EXT2: variants seen among roughly 807,000 people sequenced by gnomAD.
EXT2 encodes exostosin-2.
Under a neutral mutation model 81.6 loss-of-function variants are expected in EXT2, and 53 were observed. That is an observed-to-expected ratio of 0.65 (90% CI 0.52 to 0.82). EXT2 has a LOEUF of 0.82. Among genes scored for constraint, EXT2 ranks in the 40% least tolerant of loss-of-function variants. The pLI is 0.00. For synonymous variants in EXT2, 320 were observed against 340.0 expected (o/e 0.94, Z 0.65); for missense variants, 774 against 910.2 (o/e 0.85, Z 1.93).
intron 10 of EXT2, among the ~76,000 whole-genome samples, chr11:44,227,989 T>A (rs991568617): frequency 1.3e-5 from 2 of 152,196 alleles, no homozygotes; most frequent in African/African-American, 4.8e-5. Context: ...ATGATGTAAA[T>A]ATAAAAATTA....
intron 10 of EXT2, among the ~76,000 whole-genome samples, chr11:44,209,641 G>A (rs1955624453): frequency 1.3e-5 from 2 of 152,112 alleles, no homozygotes; most frequent in African/African-American, 2.4e-5. Context: ...GAGTTATATT[G>A]GATCCCAGAA....
chr11:44,128,286 C>G (rs1425305265), intron 6 of EXT2, among the ~76,000 whole-genome samples: 1 of 152,144 alleles, frequency 6.6e-6, no homozygotes, highest in African/African-American at 2.4e-5. Flanking sequence ...CAGCTGTATG[C>G]ACAGGGGACC....
At chr11:44,224,329 A>G (rs978463604) in intron 10 of EXT2, among the ~76,000 whole-genome samples, 59 of 152,178 alleles carry the variant, frequency 3.9e-4, no homozygotes, top group African/African-American at 1.3e-3. Context: ...AACTAGATGG[A>G]GTATATCTGG....
At chr11:44,175,162 G>A (rs1955140979) in intron 8 of EXT2, among the ~76,000 whole-genome samples, 1 of 152,184 alleles carries the variant, frequency 6.6e-6, no homozygotes. Context: ...GAGAAATGCA[G>A]ATGAAAATTA....
chr11:44,101,462 C>CA (rs1041133736), intron 1 of EXT2, among the ~76,000 whole-genome samples: 21 of 152,124 alleles, frequency 1.4e-4, no homozygotes, highest in African/African-American at 2.4e-5. Context: ...TAGCTCCCCA[C>CA]AAAAAAGAGT....
intron 8 of EXT2, among the ~76,000 whole-genome samples, chr11:44,175,878 A>G (rs758143683): frequency 1.1e-4 from 17 of 152,168 alleles, no homozygotes; most frequent in African/African-American, 1.9e-4. Context: ...AAAGGTAGGG[A>G]AAGTGGTAGA....
At chr11:44,236,469 C>A in intron 13 of EXT2, 94 bp downstream of exon 13, 1 of 1,170,642 alleles carries the variant, frequency 8.5e-7, no homozygotes, top group Non-Finnish European at 1.2e-6. Context: ...GATATAAGGA[C>A]AGCAGCTGGT....
At chr11:44,161,992 G>A (rs1474169500) in intron 7 of EXT2, among the ~76,000 whole-genome samples, 1 of 152,236 alleles carries the variant, frequency 6.6e-6, no homozygotes, top group Non-Finnish European at 1.5e-5. Flanking sequence ...GATTAGAGGA[G>A]ACTGAGCTGA....
At chr11:44,201,723 A>G (rs547255925) in intron 9 of EXT2, among the ~76,000 whole-genome samples, 1 of 152,342 alleles carries the variant, frequency 6.6e-6, no homozygotes, top group South Asian at 2.1e-4. Context: ...CTAATGGGAA[A>G]GAAAAATCCT....
chr11:44,120,878 G>T (rs986521306), intron 4 of EXT2, among the ~76,000 whole-genome samples: 1 of 152,200 alleles, frequency 6.6e-6, no homozygotes, highest in Non-Finnish European at 1.5e-5. Context: ...CAAGTTCTCA[G>T]CATGGTTTTG....
chr11:44,209,631 G>A (rs1955624257), intron 10 of EXT2, among the ~76,000 whole-genome samples: 1 of 152,126 alleles, frequency 6.6e-6, no homozygotes, highest in Non-Finnish European at 1.5e-5. Flanking sequence ...CATCCTAGGG[G>A]AGTTATATTG....
Position 44,108,259 on chromosome 11 carries a change from C to T in EXT2, c.536+11C>T. On this transcript the variant is annotated intron_variant, in intron 2 of 13. Transcript: ENST00000533608. ...GGCCCAGCTCTCTAGGTATCTCACA[C>T]TCATACAGCCCAGCCCCCAGGAGAT... 1 of 1,610,148 alleles carries T rather than the reference C, an allele frequency of 6.2e-7. No homozygotes were observed. Among genetic ancestry groups the T allele is most frequent in the Non-Finnish European group, 8.5e-7 (1 of 1,179,776 alleles).
At chr11:44,144,305 C>G in intron 7 of EXT2, 1 of 1,598,430 alleles carries the variant, frequency 6.3e-7, no homozygotes, top group South Asian at 1.1e-5. Context: ...CAAATGAACT[C>G]CCTGATCTGG....
intron 7 of EXT2, 145 bp downstream of exon 7, chr11:44,130,283 A>C (rs2135029952): frequency 2.8e-6 from 2 of 719,430 alleles, no homozygotes; most frequent in East Asian, 5.4e-5. Context: ...ATAGGAAATT[A>C]ATGTTAGGTG....
intron 7 of EXT2, among the ~76,000 whole-genome samples, chr11:44,169,674 G>A (rs373570864): frequency 1.0e-3 from 153 of 152,242 alleles, no homozygotes; most frequent in African/African-American, 3.4e-3. Flanking sequence ...GTAACAGATT[G>A]ATTATCCCTT....
At chr11:44,104,203 T>A (rs1954023311) in intron 1 of EXT2, among the ~76,000 whole-genome samples, 1 of 152,098 alleles carries the variant, frequency 6.6e-6, no homozygotes, top group South Asian at 2.1e-4. Context: ...ATCTAGTAGG[T>A]TATGGCCAGA....
intron 7 of EXT2, among the ~76,000 whole-genome samples, chr11:44,160,383 G>T (rs1024083554): frequency 6.6e-6 from 1 of 152,178 alleles, no homozygotes; most frequent in African/African-American, 2.4e-5. Flanking sequence ...TTGGAGAAAA[G>T]GTGTTGATTT....
chr11:44,190,096 C>T (rs1292036988), intron 8 of EXT2, among the ~76,000 whole-genome samples: 2 of 152,216 alleles, frequency 1.3e-5, no homozygotes, highest in Non-Finnish European at 2.9e-5. Context: ...TTAACTCTTT[C>T]ATTGCCCTGC....
intron 5 of EXT2, among the ~76,000 whole-genome samples, chr11:44,126,338 G>C (rs1258868174): frequency 4.6e-5 from 7 of 152,228 alleles, no homozygotes; most frequent in Non-Finnish European, 1.0e-4. Context: ...ATGGGGGGTA[G>C]AAACATGAAA....
Sources: allele counts gnomAD v4.1 joint callset (sites outside exome capture counted in the v4.1 genomes callset), GRCh38; gene constraint gnomAD v4.1.1; transcripts MANE v1.5; gene names NCBI Gene and HGNC (gene_info 2026-07-23, HGNC 2026-07-21).